The following RBMS1 variants were observed in gnomAD, a reference collection of about 807,000 sequenced individuals.
RBMS1 encodes RNA-binding motif, single-stranded-interacting protein 1.
In RBMS1, 17 loss-of-function variants were observed where a neutral mutation model predicts 62.3. The observed-to-expected ratio is 0.27, with a 90% CI of 0.19 to 0.41. The LOEUF (loss-of-function observed/expected upper bound fraction) is 0.41. Ranked by LOEUF, RBMS1 falls within the 10% of genes least tolerant of loss-of-function variation. The pLI, the probability that RBMS1 is intolerant of heterozygous loss-of-function variation, is 1.00. For synonymous variants in RBMS1, 172 were observed against 170.0 expected (o/e 1.01, Z -0.09); for missense variants, 334 against 504.5 (o/e 0.66, Z 3.24).
At chr2:160,331,808 T>C (rs1439173842) in intron 2 of RBMS1, among the ~76,000 whole-genome samples, 1 of 152,154 alleles carries the variant, frequency 6.6e-6, no homozygotes, top group Non-Finnish European at 1.5e-5. Context: ...AAGCAGGCCT[T>C]TCCAAGAACT....
chr2:160,428,221 T>C (rs1249933620), intron 1 of RBMS1, among the ~76,000 whole-genome samples: 1 of 152,164 alleles, frequency 6.6e-6, no homozygotes, highest in Non-Finnish European at 1.5e-5. Context: ...GTTTTCTCTC[T>C]TTATATTCAC....
At chr2:160,402,606 A>G (rs1695497441) in intron 1 of RBMS1, among the ~76,000 whole-genome samples, 1 of 152,300 alleles carries the variant, frequency 6.6e-6, no homozygotes, top group Middle Eastern at 3.4e-3. Context: ...ACACTAATAC[A>G]TTCAAGAGCT....
At chr2:160,397,986 A>G (rs1277493540) in intron 1 of RBMS1, among the ~76,000 whole-genome samples, 1 of 152,148 alleles carries the variant, frequency 6.6e-6, no homozygotes, top group Non-Finnish European at 1.5e-5. Context: ...GTCTTGACAC[A>G]TTCTCTCCTC....
intron 1 of RBMS1, among the ~76,000 whole-genome samples, chr2:160,406,121 G>T (rs1397785334): frequency 6.6e-6 from 1 of 152,174 alleles, no homozygotes; most frequent in Non-Finnish European, 1.5e-5. Flanking sequence ...TTAAAGGAAA[G>T]AACTTCTTAA....
intron 2 of RBMS1, among the ~76,000 whole-genome samples, chr2:160,343,746 G>GC (rs1573899215): frequency 6.6e-6 from 1 of 152,082 alleles, no homozygotes; most frequent in Non-Finnish European, 1.5e-5. Context: ...TTAGAGTGGA[G>GC]CCCCTTTTTA....
chr2:160,369,716 A>C (rs766015481), intron 1 of RBMS1, among the ~76,000 whole-genome samples: 25 of 152,176 alleles, frequency 1.6e-4, no homozygotes, highest in Admixed American at 5.9e-4. Context: ...CCTACCTCTT[A>C]GTGGGATTAC....
rs555632842 is a variant in RBMS1, at chr2:160,465,856, A to G, written c.75+27433T>C. ...CACCCTCCCCACACCACACACACAC[A>G]CACACACATACACACACACACACAC... On this transcript the variant is annotated intron_variant, in intron 1 of 13. Coordinates refer to ENST00000348849, the MANE Select transcript of RBMS1 (RefSeq NM_016836.4). Among the ~76,000 whole-genome samples the G allele has an allele frequency of 1.8e-3, 187 of 103,518 alleles. 2 individuals carry two copies. The highest frequency in any genetic ancestry group is 1.3e-3 in the Admixed American group (13 of 9,864). 67.9% of individuals were successfully genotyped at this position (103,518 alleles called of 152,430 possible). A position where few individuals can be genotyped will look rare whatever the true frequency, so the allele number is the denominator to read the frequency against.
intron 1 of RBMS1, among the ~76,000 whole-genome samples, chr2:160,416,611 G>C (rs1329462405): frequency 6.6e-6 from 1 of 152,048 alleles, no homozygotes; most frequent in Non-Finnish European, 1.5e-5. Context: ...CACCAGTGCC[G>C]ACCTTTTTTT....
chr2:160,437,019 G>C (rs1683138983), intron 1 of RBMS1, among the ~76,000 whole-genome samples: 2 of 152,160 alleles, frequency 1.3e-5, no homozygotes, highest in Non-Finnish European at 2.9e-5. Flanking sequence ...AGCTAGAGAA[G>C]TCTACAATGC....
chr2:160,449,077 G>T, intron 1 of RBMS1, among the ~76,000 whole-genome samples: 1 of 152,054 alleles, frequency 6.6e-6, no homozygotes, highest in South Asian at 2.1e-4. Flanking sequence ...CGTCTGGGAA[G>T]TGAGGAGCCC....
chr2:160,371,812 G>A (rs1693739282), intron 1 of RBMS1, among the ~76,000 whole-genome samples: 1 of 152,134 alleles, frequency 6.6e-6, no homozygotes, highest in Non-Finnish European at 1.5e-5. Context: ...CTTCCTGCAT[G>A]GACAACACTG....
intron 1 of RBMS1, among the ~76,000 whole-genome samples, chr2:160,422,112 C>G (rs974370403): frequency 2.0e-5 from 3 of 152,190 alleles, no homozygotes; most frequent in African/African-American, 7.2e-5. Flanking sequence ...CAATATCATC[C>G]TCACAGAGTT....
At chr2:160,455,962 C>T (rs757382834) in intron 1 of RBMS1, among the ~76,000 whole-genome samples, 1 of 152,110 alleles carries the variant, frequency 6.6e-6, no homozygotes, top group Non-Finnish European at 1.5e-5. Context: ...GGATTACAGG[C>T]GTGAGCCACC....
intron 3 of RBMS1, among the ~76,000 whole-genome samples, chr2:160,315,105 C>T (rs746363986): frequency 1.3e-5 from 2 of 152,158 alleles, no homozygotes; most frequent in African/African-American, 4.8e-5. Context: ...ACTATCAACT[C>T]AGGTAATATT....
At chr2:160,357,472 A>C (rs1692865178) in intron 2 of RBMS1, among the ~76,000 whole-genome samples, 1 of 152,180 alleles carries the variant, frequency 6.6e-6, no homozygotes, top group Admixed American at 6.6e-5. Flanking sequence ...CTAAGGATAC[A>C]TTAGAAAATA....
intron 2 of RBMS1, among the ~76,000 whole-genome samples, chr2:160,354,005 G>A (rs1440902486): frequency 2.6e-5 from 4 of 152,048 alleles, no homozygotes; most frequent in African/African-American, 4.8e-5. Context: ...AACAAGAGGC[G>A]GGGCCAGGTG....
rs533797238 is a variant in RBMS1, at chr2:160,272,484, T to C, written c.*2288A>G. On this transcript the variant is annotated 3_prime_UTR_variant, in exon 14 of 14. Transcript: ENST00000348849. ...ACTATGTGATGTTTAACTGATTTTT[T>C]TTTTTTTATGTACAGAGGTTATGTT... is the stretch of plus-strand genomic sequence containing the variant. 6.6e-6 allele frequency: 1 copy of C among 152,308 alleles called. No individual in the cohort carries two copies. The highest frequency in any genetic ancestry group is 2.1e-4 in the South Asian group (1 of 4,824). 9.4% of individuals were successfully genotyped at this position (152,308 alleles called of 1,614,324 possible).
intron 6 of RBMS1, among the ~76,000 whole-genome samples, chr2:160,290,274 C>T (rs957910877): frequency 2.7e-5 from 4 of 150,926 alleles, no homozygotes; most frequent in Non-Finnish European, 4.4e-5. Context: ...GGAGAGATAC[C>T]GGAAGACTGA....
chr2:160,331,825 G>A (rs1691292594), intron 2 of RBMS1, among the ~76,000 whole-genome samples: 3 of 152,252 alleles, frequency 2.0e-5, no homozygotes, highest in South Asian at 4.1e-4. Context: ...AACTGGAGTC[G>A]AGTGTTTGCA....
Sources: allele counts gnomAD v4.1 joint callset (sites outside exome capture counted in the v4.1 genomes callset), GRCh38; gene constraint gnomAD v4.1.1; transcripts MANE v1.5; gene names NCBI Gene and HGNC (gene_info 2026-07-23, HGNC 2026-07-21).